The following ERC1 variants were observed in gnomAD, a reference collection of about 807,000 sequenced individuals.
ERC1 encodes the protein ELKS/RAB6-interacting/CAST family member 1.
In ERC1, 56 loss-of-function variants were observed where a neutral mutation model predicts 132.0. The ratio of observed to expected loss-of-function variants is 0.42; its 90% confidence interval spans 0.34 to 0.53. The LOEUF (loss-of-function observed/expected upper bound fraction) is 0.53. ERC1 is among the 20% of genes least tolerant of loss of function. ERC1 has a pLI of 0.03. For synonymous variants in ERC1, 478 were observed against 476.1 expected, an observed-to-expected ratio of 1.00 and a Z score of -0.05; for missense variants, 1,202 against 1,349.9, an observed-to-expected ratio of 0.89 and a Z score of 1.72.
chr12:1,113,123 C>G (rs7310914), intron 6 of ERC1, among the ~76,000 whole-genome samples: 40,869 of 151,974 alleles, frequency 0.27, 5,887 homozygotes, highest in African/African-American at 0.37. Context: ...ATGATTTAAA[C>G]TATACTGGAG....
In ERC1 at chr12:1,444,660, C is replaced by T. The variant is rs1368443266; in HGVS notation, c.3123C>T (p.Ile1041=). The part of the protein sequence containing the change: ...TTLCHDRDPL[I]LRGLTPPASY... The stretch of plus-strand genomic sequence containing the variant: ...TCTGCCATGACCGAGACCCCCTGAT[C>T]CTCCGTGGACTCACTCCACCAGCTT... The change falls in exon 18 of 19, where the codon ATC becomes ATT. Residue 1041 remains isoleucine (I), a synonymous_variant. Transcript: ENST00000360905. 2 of 1,613,990 alleles carry T rather than the reference C, an allele frequency of 1.2e-6. No individual in the cohort carries two copies. The highest frequency in any genetic ancestry group is 1.7e-6 in the Non-Finnish European group (2 of 1,179,960).
chr12:1,434,571 A>G (rs1484366535), intron 17 of ERC1, among the ~76,000 whole-genome samples: 1 of 151,928 alleles, frequency 6.6e-6, no homozygotes, highest in African/African-American at 2.4e-5. Context: ...CGCTCATTCC[A>G]TTTCCCACTT....
rs1317633976 is a variant in ERC1 at position 991,321 on chromosome 12, C to G, written c.-158C>G. On this transcript the variant is annotated splice_region_variant and 5_prime_UTR_variant, in exon 1 of 19. Coordinates refer to ENST00000360905, the MANE Select transcript of ERC1 (RefSeq NM_178040.4). ...GCAGCAGTAGCGGCAGCCCTGAGGA[C>G]GGTGAGACGGCCGCGGCGGCGGCGA... 6.6e-6 allele frequency: 1 copy of G among 151,872 alleles called. No individual in the cohort carries two copies. Among genetic ancestry groups the G allele is most frequent in the Non-Finnish European group, 1.4e-5 (1 of 72,130 alleles). 9.4% of individuals were successfully genotyped at this position (151,872 alleles called of 1,614,324 possible). A position where few individuals can be genotyped will look rare whatever the true frequency, so the allele number is the denominator to read the frequency against.
At chr12:1,060,920 G>T (rs552705157) in intron 2 of ERC1, among the ~76,000 whole-genome samples, 8 of 152,040 alleles carry the variant, frequency 5.3e-5, no homozygotes, top group South Asian at 2.1e-4. Context: ...GTAGAACGAG[G>T]TTTCACCGTG....
At chr12:1,248,984 G>A (rs61912027) in intron 13 of ERC1, among the ~76,000 whole-genome samples, 151 of 152,234 alleles carry the variant, frequency 9.9e-4, no homozygotes, top group Middle Eastern at 3.4e-3. Flanking sequence ...CTGGACTTAA[G>A]CGATTCTCCT....
intron 15 of ERC1, among the ~76,000 whole-genome samples, chr12:1,339,989 T>C (rs897833940): frequency 1.3e-5 from 2 of 152,150 alleles, no homozygotes; most frequent in African/African-American, 4.8e-5. Context: ...ACACATGTGC[T>C]GGCAAAGAGA....
At chr12:1,137,286 A>G (rs1202157832) in intron 7 of ERC1, among the ~76,000 whole-genome samples, 3 of 150,278 alleles carry the variant, frequency 2.0e-5, no homozygotes, top group Admixed American at 1.3e-4. Context: ...TTTAGTAGAG[A>G]TGGGGTTTCA....
chr12:1,486,029 T>G (rs1329452714), intron 18 of ERC1, among the ~76,000 whole-genome samples: 2 of 152,254 alleles, frequency 1.3e-5, no homozygotes, highest in Non-Finnish European at 2.9e-5. Flanking sequence ...TGACTTCATA[T>G]GCTTCCTGGT....
intron 17 of ERC1, among the ~76,000 whole-genome samples, chr12:1,417,764 G>C (rs538845851): frequency 2.9e-5 from 4 of 138,064 alleles, no homozygotes; most frequent in African/African-American, 5.6e-5. Flanking sequence ...CTGGGCAACA[G>C]AGCAAGACTC....
chr12:1,210,838 T>A (rs528927439), intron 12 of ERC1, among the ~76,000 whole-genome samples: 225 of 152,050 alleles, frequency 1.5e-3, no homozygotes, highest in African/African-American at 4.8e-3. Flanking sequence ...TACTAAAAAA[T>A]ACAAAAATTA....
intron 15 of ERC1, among the ~76,000 whole-genome samples, chr12:1,298,118 GAGAA>G (rs1013871906): frequency 6.6e-6 from 1 of 152,166 alleles, no homozygotes; most frequent in Non-Finnish European, 1.5e-5. Flanking sequence ...AAAGGAAAGA[GAGAA>G]AGAAAGATAG....
chr12:1,199,947 G>A (rs891862026), intron 12 of ERC1, among the ~76,000 whole-genome samples: 1 of 151,354 alleles, frequency 6.6e-6, no homozygotes, highest in Admixed American at 6.6e-5. Context: ...GAATGAATGA[G>A]GTCATTTTCC....
At chr12:1,225,387 C>T (rs1195510692) in intron 12 of ERC1, among the ~76,000 whole-genome samples, 1 of 150,894 alleles carries the variant, frequency 6.6e-6, no homozygotes, top group Non-Finnish European at 1.5e-5. Flanking sequence ...GAGTTCAAGG[C>T]TGTAGTGAGC....
intron 15 of ERC1, among the ~76,000 whole-genome samples, chr12:1,325,738 C>T (rs12306546): frequency 6.6e-6 from 1 of 152,100 alleles, no homozygotes; most frequent in South Asian, 2.1e-4. Flanking sequence ...TTGTAGACAT[C>T]TAAAGAGTAA....
At chr12:1,209,670 T>C (rs780614343) in intron 12 of ERC1, among the ~76,000 whole-genome samples, 5 of 152,214 alleles carry the variant, frequency 3.3e-5, no homozygotes, top group African/African-American at 4.8e-5. Flanking sequence ...CTTGTTAAAA[T>C]AGAGTTCTTA....
At chr12:1,209,479 G>A (rs1461055651) in intron 12 of ERC1, among the ~76,000 whole-genome samples, 1 of 150,862 alleles carries the variant, frequency 6.6e-6, no homozygotes, top group Admixed American at 6.6e-5. Flanking sequence ...TGTATGAGAT[G>A]TTCCTATAGT....
intron 8 of ERC1, among the ~76,000 whole-genome samples, chr12:1,160,535 C>A (rs964144472): frequency 4.0e-5 from 6 of 151,858 alleles, no homozygotes; most frequent in Non-Finnish European, 8.8e-5. Context: ...AGGAGCTTGA[C>A]CCTGTCTCTA....
At chr12:1,104,638 A>G (rs1945049972) in intron 3 of ERC1, 112 bp from the exon 4 acceptor site, 2 of 740,810 alleles carry the variant, frequency 2.7e-6, no homozygotes, top group African/African-American at 1.7e-5. Flanking sequence ...AGAAGGGGTC[A>G]TTGTCTCATA....
chr12:1,238,015 A>T (rs1594445452), intron 13 of ERC1, among the ~76,000 whole-genome samples: 2 of 152,276 alleles, frequency 1.3e-5, no homozygotes, highest in East Asian at 1.9e-4. Context: ...TTCCTCTTTT[A>T]TGTAACTTTT....
Sources: allele counts gnomAD v4.1 joint callset (sites outside exome capture counted in the v4.1 genomes callset), GRCh38; gene constraint gnomAD v4.1.1; transcripts MANE v1.5; gene names NCBI Gene and HGNC (gene_info 2026-07-23, HGNC 2026-07-21).